Variants in DISC1 observed in about 807,000 individuals in gnomAD.
DISC1 encodes disrupted in schizophrenia 1 protein.
In DISC1, 57 loss-of-function variants were observed where a neutral mutation model predicts 84.5. The observed-to-expected ratio is 0.67, with a 90% CI of 0.55 to 0.84. The LOEUF is 0.84. Among genes scored for constraint, DISC1 ranks in the 40% least tolerant of loss-of-function variants. The pLI is 0.00. For missense variants in DISC1, 1,000 were observed against 1,057.8 expected, an observed-to-expected ratio of 0.95 and a Z score of 0.76; for synonymous variants, 411 against 415.2, an observed-to-expected ratio of 0.99 and a Z score of 0.12.
rs144511212 is a variant in DISC1 at position 231,879,729 on chromosome 1, C to A, written c.1981+61212C>A. ...GTGACAAGAATGACCCTGTTCAAGA[C>A]ATAGGCAGGAAACAGATGGGTGGTC... On this transcript the variant is annotated intron_variant, in intron 9 of 12. Coordinates refer to ENST00000439617, the MANE Select transcript of DISC1 (RefSeq NM_018662.3). 1.1e-3 allele frequency among the ~76,000 whole-genome samples: 166 copies of A among 152,080 alleles called. 1 individual carries two copies. The Middle Eastern group carries it at 0.02, about 19-fold the overall frequency.
chr1:231,912,769 C>A (rs531809153), intron 9 of DISC1, among the ~76,000 whole-genome samples: 16 of 143,992 alleles, frequency 1.1e-4, no homozygotes, highest in African/African-American at 4.0e-4. Context: ...TTCTTTCTTT[C>A]TTTCTTTCTT....
chr1:231,644,947 T>C (rs538405338), intron 1 of DISC1, among the ~76,000 whole-genome samples: 1 of 152,066 alleles, frequency 6.6e-6, no homozygotes, highest in South Asian at 2.1e-4. Flanking sequence ...TCTCTTTCCA[T>C]CCTCATCATG....
At position 231,630,417 on chromosome 1, in the gene DISC1, C is replaced by T. The variant is rs765453328; in HGVS notation, c.67+3483C>T. Among the ~76,000 whole-genome samples, 94 of 152,154 alleles carry T rather than the reference C, an allele frequency of 6.2e-4. No individual in the cohort carries two copies. The highest frequency in any genetic ancestry group is 1.0e-3 in the Non-Finnish European group (69 of 67,998). On this transcript the variant is annotated intron_variant, in intron 1 of 12. Coordinates refer to ENST00000439617, the MANE Select transcript of DISC1 (RefSeq NM_018662.3). This position sits in a 1 kb window ranked among gnomAD's most constrained non-coding sequence, Gnocchi z 4.4. ...TCAAGCAACTTCTGCCTCGACCTCC[C>T]AAAGTACCAGGATTACAGATGTGAA...
intron 1 of DISC1, among the ~76,000 whole-genome samples, chr1:231,661,288 A>G (rs1041566641): frequency 6.6e-6 from 1 of 151,702 alleles, no homozygotes; most frequent in African/African-American, 2.4e-5. Flanking sequence ...ATATTGGCCT[A>G]TCTTGCCAGG....
At chr1:232,016,914 G>A (rs1242409419) in intron 11 of DISC1, among the ~76,000 whole-genome samples, 1 of 152,142 alleles carries the variant, frequency 6.6e-6, no homozygotes, top group Non-Finnish European at 1.5e-5. Context: ...GTATCAGATA[G>A]AGTAATAAAG....
intron 3 of DISC1, among the ~76,000 whole-genome samples, chr1:231,718,967 CT>C: frequency 6.6e-6 from 1 of 152,192 alleles, no homozygotes; most frequent in Non-Finnish European, 1.5e-5. Context: ...GACCCCATGT[CT>C]ATAAAATTTA....
intron 9 of DISC1, among the ~76,000 whole-genome samples, chr1:231,822,999 A>G (rs759415279): frequency 6.6e-6 from 1 of 152,200 alleles, no homozygotes; most frequent in South Asian, 2.1e-4. Context: ...CTCTACCTTC[A>G]ACATTGGGGG....
At chr1:231,830,946 C>T (rs1442085400) in intron 9 of DISC1, among the ~76,000 whole-genome samples, 2 of 152,166 alleles carry the variant, frequency 1.3e-5, no homozygotes, top group Non-Finnish European at 2.9e-5. Flanking sequence ...TGAAAAACTG[C>T]TTGGCTGATT....
At chr1:231,840,329 T>C (rs927711422) in intron 9 of DISC1, among the ~76,000 whole-genome samples, 1 of 152,166 alleles carries the variant, frequency 6.6e-6, no homozygotes, top group African/African-American at 2.4e-5. Flanking sequence ...GAAATAAAAA[T>C]TTATATCCCA....
At chr1:231,688,153 AT>A (rs1375128954) in intron 1 of DISC1, among the ~76,000 whole-genome samples, 1 of 151,784 alleles carries the variant, frequency 6.6e-6, no homozygotes, top group Non-Finnish European at 1.5e-5. Flanking sequence ...GAGTGTGATA[AT>A]TCCTCTTCTA....
chr1:231,822,926 A>C (rs974447964), intron 9 of DISC1, among the ~76,000 whole-genome samples: 17 of 152,172 alleles, frequency 1.1e-4, no homozygotes, highest in Non-Finnish European at 1.0e-4. Context: ...GTGAGAACTC[A>C]CTCATTGATG....
At chr1:231,687,585 A>G (rs1368445201) in intron 1 of DISC1, among the ~76,000 whole-genome samples, 1 of 152,202 alleles carries the variant, frequency 6.6e-6, no homozygotes, top group Non-Finnish European at 1.5e-5. Flanking sequence ...GCCAAACCGT[A>G]TAAGATTTGT....
chr1:231,817,693 A>C (rs1267388344), intron 8 of DISC1, among the ~76,000 whole-genome samples: 1 of 152,130 alleles, frequency 6.6e-6, no homozygotes, highest in Non-Finnish European at 1.5e-5. Flanking sequence ...GTTTTTTGTT[A>C]TTTAGACATA....
chr1:231,762,152 TC>T (rs2075730805), intron 4 of DISC1, among the ~76,000 whole-genome samples: 1 of 145,940 alleles, frequency 6.9e-6, no homozygotes, highest in African/African-American at 2.5e-5. Flanking sequence ...TTTCCTTCTT[TC>T]TTTTTCTTTC....
intron 9 of DISC1, among the ~76,000 whole-genome samples, chr1:231,834,831 G>A (rs2082511922): frequency 6.6e-6 from 1 of 152,142 alleles, no homozygotes; most frequent in African/African-American, 2.4e-5. Context: ...GTCCCTGCAT[G>A]GTCAGACACC....
At chr1:231,744,567 G>A (rs911592841) in intron 3 of DISC1, among the ~76,000 whole-genome samples, 7 of 151,872 alleles carry the variant, frequency 4.6e-5, no homozygotes. Context: ...AGAAAGCATA[G>A]TTTTTTTTCC....
chr1:231,798,746 A>G (rs116666674), intron 7 of DISC1, among the ~76,000 whole-genome samples: 236 of 152,266 alleles, frequency 1.5e-3, no homozygotes, highest in African/African-American at 5.5e-3. Flanking sequence ...TTTGGTTTAG[A>G]GGCTACCAAA....
At position 232,009,652 on chromosome 1, in the gene DISC1, T is replaced by A; in HGVS notation, c.2307+603T>A. ...TTACAAATTAAAATATGGTTTTATT[T>A]AACTTTCTTTTTCTCTCCCCTCTTT... On this transcript the variant is annotated intron_variant, in intron 11 of 12. Transcript: ENST00000439617. The surrounding 1 kb of genome is among the most constrained non-coding windows in gnomAD (Gnocchi z 4.6). 1.2e-6 allele frequency: 1 copy of A among 859,376 alleles called. No individual in the cohort carries two copies. Among genetic ancestry groups the A allele is most frequent in the Non-Finnish European group, 1.4e-6 (1 of 715,396 alleles). The allele number at this position is 859,376 out of a possible 1,614,324, so 53.2% of individuals were successfully genotyped here. A position where few individuals can be genotyped will look rare whatever the true frequency, so the allele number is the denominator to read the frequency against.
intron 6 of DISC1, among the ~76,000 whole-genome samples, chr1:231,774,124 T>C (rs1380579344): frequency 2.0e-5 from 3 of 151,848 alleles, no homozygotes; most frequent in Admixed American, 2.0e-4. Flanking sequence ...CATGATTGAG[T>C]GTACTTGTAG....
Sources: gnomAD v4.1 joint callset for allele counts (sites outside exome capture counted in the v4.1 genomes callset) on GRCh38, gnomAD v4.1.1 for gene constraint, Gnocchi (gnomAD v3.1) non-coding constraint, MANE v1.5 for transcripts, NCBI Gene and HGNC (gene_info 2026-07-23, HGNC 2026-07-21) for gene names.